RANGAP1: variants seen among roughly 807,000 people sequenced by gnomAD.
RANGAP1 encodes the protein Ran GTPase activating protein 1.
RANGAP1 carries 38 observed loss-of-function variants against 63.5 expected under a neutral mutation model. That is an observed-to-expected ratio of 0.60 (90% CI 0.46 to 0.78). The LOEUF (loss-of-function observed/expected upper bound fraction) is 0.78, where lower values mean the gene tolerates loss of function less well. RANGAP1 is among the 30% of genes least tolerant of loss of function. The probability of loss-of-function intolerance (pLI) is 0.00; values close to 1 mark genes in which losing one functional copy is unlikely to be tolerated. For synonymous variants in RANGAP1, 329 were observed against 310.5 expected, an observed-to-expected ratio of 1.06 and a Z score of -0.63; for missense variants, 630 against 740.3, an observed-to-expected ratio of 0.85 and a Z score of 1.73.
Position 41,261,492 on chromosome 22 carries a change from T to C in RANGAP1, c.569A>G (p.Asn190Ser). ...LALKVFVAGRNRLENDGATAL... is the reference protein window; with the variant it reads ...LALKVFVAGRSRLENDGATAL... ...AGTGGCGCCATCATTCTCCAGACGG[T>C]TTCTGCCAGCCACAAAGACCTTCAG... Residue 190 changes from asparagine to serine, a missense_variant, in exon 6 of 16, where the codon AAC becomes AGC. Coordinates refer to ENST00000356244, the MANE Select transcript of RANGAP1 (RefSeq NM_002883.4). 2 of 1,614,216 alleles carry C rather than the reference T, an allele frequency of 1.2e-6. No homozygotes were observed. Among genetic ancestry groups the C allele is most frequent in the Non-Finnish European group, 8.5e-7 (1 of 1,180,038 alleles).
chr22:41,265,150 G>T (rs2235852), intron 4 of RANGAP1, among the ~76,000 whole-genome samples: 50,119 of 152,036 alleles, frequency 0.33, 8,878 homozygotes, highest in Admixed American at 0.51. Flanking sequence ...TGAAAAAACA[G>T]GAGCAGAGAG....
At chr22:41,269,025 G>T (rs1244725413) in intron 3 of RANGAP1, among the ~76,000 whole-genome samples, 1 of 152,168 alleles carries the variant, frequency 6.6e-6, no homozygotes, top group Non-Finnish European at 1.5e-5. Context: ...TTATTGTAAG[G>T]AATGTCAGCT....
intron 4 of RANGAP1, among the ~76,000 whole-genome samples, chr22:41,267,068 G>T (rs573745451): frequency 6.7e-6 from 1 of 148,856 alleles, no homozygotes; most frequent in Admixed American, 6.8e-5. Flanking sequence ...TTAGTAAGAC[G>T]GGGTTTTGCC....
At chr22:41,269,382 A>C (rs1157679538) in intron 3 of RANGAP1, among the ~76,000 whole-genome samples, 1 of 152,236 alleles carries the variant, frequency 6.6e-6, no homozygotes, top group Non-Finnish European at 1.5e-5. Context: ...AATAAGACCT[A>C]GTGTTCAATA....
intron 12 of RANGAP1, 118 bp from the exon 13 acceptor site, chr22:41,251,227 C>A: frequency 1.4e-6 from 1 of 689,696 alleles, no homozygotes; most frequent in South Asian, 1.8e-5. Flanking sequence ...AAGAACAGGT[C>A]CTGCCTTACC....
intron 3 of RANGAP1, among the ~76,000 whole-genome samples, chr22:41,268,908 A>G (rs966129863): frequency 3.9e-5 from 6 of 152,146 alleles, no homozygotes; most frequent in Non-Finnish European, 7.3e-5. Context: ...TACAAAAATT[A>G]GCATAGTGAC....
chr22:41,257,124 C>T lies in RANGAP1; in HGVS notation c.775-300G>A, dbSNP rs1447151576. Among the ~76,000 whole-genome samples, 4 of 152,176 alleles carry T rather than the reference C, an allele frequency of 2.6e-5. No homozygotes were observed. On this transcript the variant is annotated intron_variant, in intron 7 of 15. Coordinates refer to ENST00000356244, the MANE Select transcript of RANGAP1 (RefSeq NM_002883.4). This position sits in a 1 kb window ranked among gnomAD's most constrained non-coding sequence, Gnocchi z 4.0. ...TCTGCCTGAAACACCCATCCCCCAC[C>T]CTCTGTCCAGAGAAAGACCACTTGC...
the RANGAP1 span, among the ~76,000 whole-genome samples, chr22:41,296,268 T>A: frequency 2.0e-5 from 3 of 151,312 alleles, no homozygotes; most frequent in East Asian, 5.8e-4. Flanking sequence ...AGATGGGAAA[T>A]GTAGACAGTA....
At chr22:41,273,342 ACT>A (rs1910276226) in intron 3 of RANGAP1, among the ~76,000 whole-genome samples, 1 of 152,006 alleles carries the variant, frequency 6.6e-6, no homozygotes, top group East Asian at 1.9e-4. Flanking sequence ...TGAACATGAC[ACT>A]CTTGCTTTTC....
the RANGAP1 span, among the ~76,000 whole-genome samples, chr22:41,297,685 GC>G: frequency 8.0e-6 from 1 of 125,024 alleles, no homozygotes; most frequent in Admixed American, 1.0e-4. Context: ...ACCACACCTG[GC>G]TTTTTTTTTT....
At chr22:41,277,694 A>T (rs1291243667) in intron 2 of RANGAP1, among the ~76,000 whole-genome samples, 3 of 152,164 alleles carry the variant, frequency 2.0e-5, no homozygotes. Context: ...TGGCTCACTG[A>T]TGCGGGTACC....
chr22:41,265,918 G>A (rs1278459492), intron 4 of RANGAP1, among the ~76,000 whole-genome samples: 1 of 152,194 alleles, frequency 6.6e-6, no homozygotes, highest in Non-Finnish European at 1.5e-5. Flanking sequence ...CCTAGCCCCT[G>A]GTGGCTGGGT....
At position 41,251,085 on chromosome 22, in the gene RANGAP1, C is replaced by A; in HGVS notation, c.1405G>T (p.Val469Leu). 2 of 1,614,098 alleles carry A rather than the reference C, an allele frequency of 1.2e-6. No individual in the cohort carries two copies. The highest frequency in any genetic ancestry group is 1.7e-6 in the Non-Finnish European group (2 of 1,180,006). ...GACACCTTTAGGAAGGCAGAGACCA[C>A]CTTCTCGGGGTCAGACGTGTCAGTC... ...QQTDTSDPEK[V>L]VSAFLKVSSV... Residue 469 changes from valine (V) to leucine (L), a missense_variant, in exon 13 of 16, where the codon GTG becomes TTG. By Grantham distance (32) the Val-to-Leu change is conservative. Coordinates refer to ENST00000356244, the MANE Select transcript of RANGAP1 (RefSeq NM_002883.4).
chr22:41,263,254 G>A (rs2034274540), intron 5 of RANGAP1, among the ~76,000 whole-genome samples: 2 of 152,216 alleles, frequency 1.3e-5, no homozygotes, highest in Admixed American at 1.3e-4. Flanking sequence ...GGGAAGTAAT[G>A]GAAGGAAAAC....
In RANGAP1 at chr22:41,256,172, GCCT is replaced by G. The variant is rs2033819664; in HGVS notation, c.988+16_988+18del. 6.2e-7 allele frequency: 1 copy of G among 1,613,832 alleles called. No homozygotes were observed. The highest frequency in any genetic ancestry group is 1.3e-5 in the African/African-American group (1 of 74,924). ...GCCAGCCTAGCAGACCTGTGCAGAGGCCTCCCCCATCCGACTACCATTCAGGTC... is the reference window on the plus strand; with the variant it reads ...GCCAGCCTAGCAGACCTGTGCAGAGGCCCCCATCCGACTACCATTCAGGTC... On this transcript the variant is annotated intron_variant, in intron 9 of 15. Coordinates refer to ENST00000356244, the MANE Select transcript of RANGAP1 (RefSeq NM_002883.4).
intron 2 of RANGAP1, among the ~76,000 whole-genome samples, chr22:41,276,533 G>A (rs539039658): frequency 2.6e-5 from 4 of 152,240 alleles, no homozygotes; most frequent in African/African-American, 9.6e-5. Context: ...CAGCTATTAG[G>A]GAGGCTGAGA....
the RANGAP1 span, among the ~76,000 whole-genome samples, chr22:41,291,894 CTG>C: frequency 6.6e-6 from 1 of 151,394 alleles, no homozygotes; most frequent in Non-Finnish European, 1.5e-5. Context: ...GAGCGAGACT[CTG>C]TCTCAAAAAT....
intron 1 of RANGAP1, among the ~76,000 whole-genome samples, chr22:41,284,462 G>A (rs1047127001): frequency 1.3e-4 from 20 of 152,006 alleles, no homozygotes; most frequent in Non-Finnish European, 1.5e-5. Context: ...AGCTACTCAG[G>A]AGGCTGAGGC....
intron 3 of RANGAP1, among the ~76,000 whole-genome samples, chr22:41,273,490 G>A (rs531649163): frequency 6.6e-5 from 10 of 152,222 alleles, no homozygotes; most frequent in African/African-American, 2.2e-4. Flanking sequence ...CTTGCCAGCC[G>A]CACGCAGTGG....
Sources: allele counts gnomAD v4.1 joint callset (sites outside exome capture counted in the v4.1 genomes callset), GRCh38; gene constraint gnomAD v4.1.1; non-coding constraint Gnocchi (gnomAD v3.1); transcripts MANE v1.5; gene names NCBI Gene and HGNC (gene_info 2026-07-23, HGNC 2026-07-21).